The following MKLN1 variants were observed in gnomAD, a reference collection of about 807,000 sequenced individuals.
The protein encoded by MKLN1 is muskelin.
Under a neutral mutation model 99.0 loss-of-function variants are expected in MKLN1, and 18 were observed. That is an observed-to-expected ratio of 0.18 (90% CI 0.13 to 0.27). MKLN1 has a LOEUF of 0.27. Ranked by LOEUF, MKLN1 falls within the 10% of genes least tolerant of loss-of-function variation. MKLN1 has a pLI of 1.00. For synonymous variants in MKLN1, 288 were observed against 293.2 expected (o/e 0.98, Z 0.18); for missense variants, 621 against 875.9 (o/e 0.71, Z 3.67).
At chr7:131,254,373 A>G (rs1797626240) in intron 3 of MKLN1, among the ~76,000 whole-genome samples, 1 of 152,226 alleles carries the variant, frequency 6.6e-6, no homozygotes, top group South Asian at 2.1e-4. Context: ...CAACAAAAAT[A>G]CGAGACATTC....
chr7:131,244,189 C>T (rs1383381557), intron 3 of MKLN1, among the ~76,000 whole-genome samples: 40 of 152,148 alleles, frequency 2.6e-4, no homozygotes, highest in Admixed American at 2.4e-3. Context: ...AGTTAGTTTT[C>T]GGGAATTTGC....
Position 131,494,959 on chromosome 7 carries a change from A to T in MKLN1, c.*7231A>T, listed in dbSNP as rs1345300768. ...CATACATTTTTAAAATGCTCTTTTT[A>T]AAGAGATTCTTATCTTGCTCCCACT... On this transcript the variant is annotated 3_prime_UTR_variant, in exon 18 of 18. Transcript: ENST00000352689. 6.6e-6 allele frequency: 1 copy of T among 152,206 alleles called. No homozygotes were observed. Among genetic ancestry groups the T allele is most frequent in the Non-Finnish European group, 1.5e-5 (1 of 68,036 alleles). The allele number at this position is 152,206 out of a possible 1,614,324, so 9.4% of individuals were successfully genotyped here. A position where few individuals can be genotyped will look rare whatever the true frequency, so the allele number is the denominator to read the frequency against.
At chr7:131,138,684 T>C (rs1476356923) in intron 1 of MKLN1, among the ~76,000 whole-genome samples, 1 of 150,566 alleles carries the variant, frequency 6.6e-6, no homozygotes, top group African/African-American at 2.4e-5. Context: ...TAAGTGACTA[T>C]TGACTTGAGT....
chr7:131,279,549 G>A (rs1022513820), intron 3 of MKLN1, among the ~76,000 whole-genome samples: 1 of 152,100 alleles, frequency 6.6e-6, no homozygotes, highest in African/African-American at 2.4e-5. Flanking sequence ...GGCTAACACT[G>A]GTAATCCCAA....
intron 3 of MKLN1, among the ~76,000 whole-genome samples, chr7:131,263,321 T>G (rs1449127361): frequency 7.0e-6 from 1 of 143,134 alleles, no homozygotes; most frequent in Non-Finnish European, 1.6e-5. Context: ...CTGGACAATA[T>G]AGTGAGACCT....
At chr7:131,135,594 C>G (rs4731755) in intron 1 of MKLN1, among the ~76,000 whole-genome samples, 137,818 of 152,224 alleles carry the variant, frequency 0.91, 62,988 homozygotes, top group East Asian at 1. Context: ...AGGTAGGAGG[C>G]AACCTAGTGA....
At chr7:131,208,054 C>T (rs939458978) in intron 3 of MKLN1, among the ~76,000 whole-genome samples, 1 of 152,040 alleles carries the variant, frequency 6.6e-6, no homozygotes, top group Non-Finnish European at 1.5e-5. Context: ...TGTCCCAGAC[C>T]TTCGGAAAAG....
At chr7:131,143,001 A>T (rs933043600) in intron 2 of MKLN1, 2 of 1,159,784 alleles carry the variant, frequency 1.7e-6, no homozygotes. Context: ...CTGTACCTAT[A>T]TAGTAATGCT....
chr7:131,137,178 T>C (rs1010858203), intron 1 of MKLN1, among the ~76,000 whole-genome samples: 2 of 152,152 alleles, frequency 1.3e-5, no homozygotes, highest in African/African-American at 4.8e-5. Context: ...ATCCTGTGCA[T>C]CTAGAATAGC....
intron 3 of MKLN1, among the ~76,000 whole-genome samples, chr7:131,251,049 T>C (rs889610029): frequency 2.0e-5 from 3 of 151,924 alleles, no homozygotes; most frequent in African/African-American, 4.8e-5. Context: ...ATTAAGCAAT[T>C]TGAAGACTGT....
chr7:131,110,217 G>A (rs1038872827), intron 1 of MKLN1: 18 of 168,596 alleles, frequency 1.1e-4, no homozygotes, highest in Non-Finnish European at 1.3e-5. Context: ...GGTAAGTGGG[G>A]CGGTGCAGGT....
intron 3 of MKLN1, among the ~76,000 whole-genome samples, chr7:131,254,060 A>G (rs1012203035): frequency 1.3e-5 from 2 of 152,220 alleles, no homozygotes; most frequent in Non-Finnish European, 2.9e-5. Context: ...ACCAGCAACT[A>G]GAGGAGCCTA....
intron 1 of MKLN1, among the ~76,000 whole-genome samples, chr7:131,115,758 A>G (rs180943667): frequency 6.6e-6 from 1 of 152,188 alleles, no homozygotes; most frequent in Non-Finnish European, 1.5e-5. Context: ...TATAGGATTT[A>G]CCCTATATAC....
intron 3 of MKLN1, among the ~76,000 whole-genome samples, chr7:131,248,039 C>T (rs1416962433): frequency 6.6e-6 from 1 of 151,898 alleles, no homozygotes; most frequent in Non-Finnish European, 1.5e-5. Context: ...GCTGAGACTA[C>T]TGGCATGTGC....
intron 2 of MKLN1, among the ~76,000 whole-genome samples, chr7:131,197,066 G>T (rs2116399623): frequency 6.6e-6 from 1 of 152,278 alleles, no homozygotes; most frequent in Non-Finnish European, 1.5e-5. Context: ...TTAATTCTCA[G>T]AGCTGGCACA....
intron 1 of MKLN1, among the ~76,000 whole-genome samples, chr7:131,128,495 A>G (rs1175687088): frequency 6.6e-6 from 1 of 152,228 alleles, no homozygotes; most frequent in African/African-American, 2.4e-5. Context: ...CCTGGGCAAC[A>G]TAGCAAGACT....
chr7:131,166,983 G>A (rs759666909), intron 2 of MKLN1, among the ~76,000 whole-genome samples: 7 of 152,062 alleles, frequency 4.6e-5, no homozygotes, highest in East Asian at 3.9e-4. Flanking sequence ...GAGCCACTGC[G>A]TCCGGCCTAA....
intron 2 of MKLN1, among the ~76,000 whole-genome samples, chr7:131,196,595 A>C (rs1381180364): frequency 2.0e-5 from 3 of 152,066 alleles, no homozygotes; most frequent in Non-Finnish European, 4.4e-5. Context: ...TGAAGCTGCC[A>C]TAGAGTGGCA....
chr7:131,451,781 G>A (rs1657620325), intron 12 of MKLN1, among the ~76,000 whole-genome samples: 1 of 152,088 alleles, frequency 6.6e-6, no homozygotes, highest in African/African-American at 2.4e-5. Context: ...GAACACAAGG[G>A]GTTTAGCAGA....
Sources: allele counts gnomAD v4.1 joint callset (sites outside exome capture counted in the v4.1 genomes callset), GRCh38; gene constraint gnomAD v4.1.1; transcripts MANE v1.5; gene names NCBI Gene and HGNC (gene_info 2026-07-23, HGNC 2026-07-21).